COL5A1: variants seen among roughly 807,000 people sequenced by gnomAD.
COL5A1 encodes collagen alpha-1(V) chain.
In COL5A1, 16 loss-of-function variants were observed where a neutral mutation model predicts 263.7. The observed-to-expected ratio is 0.06, with a 90% CI of 0.04 to 0.09. The LOEUF is 0.09. Ranked by LOEUF, COL5A1 falls within the 10% of genes least tolerant of loss-of-function variation. The probability of loss-of-function intolerance (pLI) is 1.00; values close to 1 mark genes in which losing one functional copy is unlikely to be tolerated. For missense variants in COL5A1, 2,036 were observed against 2,540.5 expected, an observed-to-expected ratio of 0.80 and a Z score of 4.27; for synonymous variants, 1,012 against 1,004.5, an observed-to-expected ratio of 1.01 and a Z score of -0.14.
chr9:134,802,372 C>G (rs182837840), intron 38 of COL5A1, among the ~76,000 whole-genome samples: 2 of 152,192 alleles, frequency 1.3e-5, no homozygotes, highest in African/African-American at 4.8e-5. Context: ...CGATTCTAAC[C>G]GCAGACCAGT....
At position 134,700,571 on chromosome 9, in the gene COL5A1, GTCTCCTC is replaced by G. The variant is rs1321689171; in HGVS notation, c.491+451_491+457del. The stretch of plus-strand genomic sequence containing the variant: ...CAGACCTCAACACCAGGGGTTGTCA[GTCTCCTC>G]TTTCGTGGTCAGCACGTGTGAGGTC... On this transcript the variant is annotated intron_variant, in intron 3 of 65. Transcript: ENST00000371817. The surrounding 1 kb of genome is among the most constrained non-coding windows in gnomAD (Gnocchi z 4.0). Among the ~76,000 whole-genome samples the G allele has an allele frequency of 6.6e-6, 1 of 152,184 alleles. No individual in the cohort carries two copies. The highest frequency in any genetic ancestry group is 1.5e-5 in the Non-Finnish European group (1 of 68,044).
In COL5A1 at chr9:134,834,982, G is replaced by A. The variant is rs772597610; in HGVS notation, c.5148G>A (p.Val1716=). 4 of 1,613,258 alleles carry A rather than the reference G, an allele frequency of 2.5e-6. No individual in the cohort carries two copies. In the East Asian group the frequency reaches 6.7e-5, roughly 27 times the overall value. ...EFKRGKLLSY[V]DAEGNPVGVV... ...CCCTGTCCCCCCAGCTCTCCTATGTGGACGCCGAGGGCAACCCTGTGGGTG... is the reference window on the plus strand; with the variant it reads ...CCCTGTCCCCCCAGCTCTCCTATGTAGACGCCGAGGGCAACCCTGTGGGTG... The change falls in exon 65 of 66, where the codon GTG becomes GTA. Residue 1716 remains valine, a synonymous_variant. Coordinates refer to ENST00000371817, the MANE Select transcript of COL5A1 (RefSeq NM_000093.5).
At position 134,768,416 on chromosome 9, in the gene COL5A1, T is replaced by C. The variant is rs1836755234; in HGVS notation, c.2239T>C (p.Leu747=). 1 of 1,613,946 alleles carries C rather than the reference T, an allele frequency of 6.2e-7. No homozygotes were observed. The highest frequency in any genetic ancestry group is 8.5e-7 in the Non-Finnish European group (1 of 1,179,984). Residue 747 remains leucine (L), a synonymous_variant, in exon 25 of 66, where the codon TTG becomes CTG. Transcript: ENST00000371817. The part of the protein sequence containing the change: ...AIGPPGEKGP[L]GKPGLPGMPG... ...AGTCTCTGGTTTGTTCTAGGGTCCC[T>C]TGGGGAAACCAGGCCTTCCAGGAAT...
rs959631690 is a variant in COL5A1 at position 134,842,625 on chromosome 9, G to A, written c.*322G>A. 1 of 491,758 alleles carries A rather than the reference G, an allele frequency of 2.0e-6. No homozygotes were observed. Among genetic ancestry groups the A allele is most frequent in the South Asian group, 2.4e-5 (1 of 41,016 alleles). The allele number at this position is 491,758 out of a possible 1,614,324, so 30.5% of individuals were successfully genotyped here. ...CCCCCCAGCTCGCCCGACCCATCCTGTTCGTGAATAGGTCTCAGGGGTTGG... is the reference window on the plus strand; with the variant it reads ...CCCCCCAGCTCGCCCGACCCATCCTATTCGTGAATAGGTCTCAGGGGTTGG... On this transcript the variant is annotated 3_prime_UTR_variant, in exon 66 of 66. Transcript: ENST00000371817. The surrounding 1 kb of genome is among the most constrained non-coding windows in gnomAD (Gnocchi z 5.8).
intron 4 of COL5A1, among the ~76,000 whole-genome samples, chr9:134,712,620 C>G (rs1480238069): frequency 2.4e-5 from 1 of 41,504 alleles, no homozygotes; most frequent in Non-Finnish European, 5.3e-5. Context: ...CTCCCCTCCC[C>G]CTTCCTTCCT....
Position 134,812,693 on chromosome 9 carries a change from C to T in COL5A1, c.3833C>T (p.Pro1278Leu). ...PQGPPGGIGN[P>L]GAVGEKGEPG... ...GGTCCCCCAGGTGGAATAGGAAACCCTGGTGCAGTGGGAGAGAAGGTGAGG... is the reference window on the plus strand; with the variant it reads ...GGTCCCCCAGGTGGAATAGGAAACCTTGGTGCAGTGGGAGAGAAGGTGAGG... Residue 1278 changes from proline (P) to leucine (L), a missense_variant, in exon 48 of 66, where the codon CCT (proline) becomes CTT (leucine). This residue lies in a region of COL5A1 where 1,078 missense variants were observed against 1,521.4 expected (regional missense o/e 0.71). Coordinates refer to ENST00000371817, the MANE Select transcript of COL5A1 (RefSeq NM_000093.5). 6.3e-7 allele frequency: 1 copy of T among 1,583,380 alleles called. No individual in the cohort carries two copies. Among genetic ancestry groups the T allele is most frequent in the Non-Finnish European group, 8.6e-7 (1 of 1,165,006 alleles).
Position 134,825,820 on chromosome 9 carries a change from A to T in COL5A1, c.4983A>T (p.Gly1661=). ...AATACTGGGTCGATCCTAACCAAGG[A>T]TGCTCCAGGGATTCCTTCAAGGTTT... ...DGEYWVDPNQ[G]CSRDSFKVYC... is the part of the protein sequence containing the mutation. The change falls in exon 63 of 66, where the codon GGA becomes GGT. Residue 1661 remains glycine, a synonymous_variant. Transcript: ENST00000371817. The T allele has an allele frequency of 6.2e-7, 1 of 1,612,900 alleles. No homozygotes were observed. The highest frequency in any genetic ancestry group is 1.1e-5 in the South Asian group (1 of 91,030).
chr9:134,725,122 G>A (rs543283987), intron 4 of COL5A1, among the ~76,000 whole-genome samples: 1 of 152,276 alleles, frequency 6.6e-6, no homozygotes, highest in East Asian at 1.9e-4. Context: ...AGACGCCACC[G>A]TCTCCAGGAC....
At chr9:134,704,943 A>G (rs1833790267) in intron 4 of COL5A1, among the ~76,000 whole-genome samples, 1 of 152,176 alleles carries the variant, frequency 6.6e-6, no homozygotes, top group Non-Finnish European at 1.5e-5. Flanking sequence ...CGGGCTCTGC[A>G]TAACGACACC....
chr9:134,795,284 C>T lies in COL5A1; in HGVS notation c.2768C>T (p.Pro923Leu), dbSNP rs1055299567. The change falls in exon 34 of 66, where the codon CCC becomes CTC. Residue 923 changes from proline (P) to leucine (L), a missense_variant. Physicochemically the swap from Pro to Leu is moderately conservative, Grantham distance 98 (BLOSUM62 -3). This residue lies in a region of COL5A1 where 1,078 missense variants were observed against 1,521.4 expected (regional missense o/e 0.71). Coordinates refer to ENST00000371817, the MANE Select transcript of COL5A1 (RefSeq NM_000093.5). ...CAGGGTCCGAGGGGTGAAAGAGGCC[C>T]CCGGGGCATCACTGGGAAGCCTGGC... Reference protein sequence around the residue: ...GPTGPRGERGPRGITGKPGPK... With the variant: ...GPTGPRGERGLRGITGKPGPK... The T allele has an allele frequency of 6.2e-7, 1 of 1,613,818 alleles. No homozygotes were observed. The highest frequency in any genetic ancestry group is 2.2e-5 in the East Asian group (1 of 44,858).
intron 1 of COL5A1, among the ~76,000 whole-genome samples, chr9:134,672,581 T>C (rs1348444673): frequency 6.6e-6 from 1 of 152,226 alleles, no homozygotes; most frequent in Non-Finnish European, 1.5e-5. Flanking sequence ...AAAATCCACA[T>C]ACTAAATGCT....
chr9:134,831,777 A>G (rs1007279245), intron 64 of COL5A1, among the ~76,000 whole-genome samples: 26 of 152,248 alleles, frequency 1.7e-4, no homozygotes, highest in African/African-American at 5.8e-4. Context: ...TGGCTGTGAA[A>G]CCTCATTTGC....
chr9:134,713,367 G>A (rs1048545650), intron 4 of COL5A1, among the ~76,000 whole-genome samples: 3 of 152,184 alleles, frequency 2.0e-5, no homozygotes, highest in Admixed American at 6.5e-5. Flanking sequence ...CCAGTCTGCA[G>A]CCACAGCAGG....
chr9:134,734,416 C>G (rs1437408311), intron 9 of COL5A1, among the ~76,000 whole-genome samples: 1 of 152,244 alleles, frequency 6.6e-6, no homozygotes, highest in Non-Finnish European at 1.5e-5. Context: ...GCCAGGCCCC[C>G]TGCAGAGATC....
chr9:134,716,870 A>G lies in COL5A1; in HGVS notation c.655-10396A>G, dbSNP rs1834280832. On this transcript the variant is annotated intron_variant, in intron 4 of 65. Transcript: ENST00000371817. The surrounding 1 kb of genome is among the most constrained non-coding windows in gnomAD (Gnocchi z 4.5). ...CGTCTTGGGCTGGTGGCTGCAGGTG[A>G]GAATTGGACTGGGACTGGAGGCAGC... Among the ~76,000 whole-genome samples, 1 of 152,174 alleles carries G rather than the reference A, an allele frequency of 6.6e-6. No homozygotes were observed. Among genetic ancestry groups the G allele is most frequent in the African/African-American group, 2.4e-5 (1 of 41,432 alleles).
At position 134,821,865 on chromosome 9, in the gene COL5A1, G is replaced by C. The variant is rs1442722067; in HGVS notation, c.4555-232G>C. 1.3e-5 allele frequency among the ~76,000 whole-genome samples: 2 copies of C among 152,244 alleles called. No individual in the cohort carries two copies. The highest frequency in any genetic ancestry group is 2.9e-5 in the Non-Finnish European group (2 of 68,042). ...AGAGTGAGTTCCTGGCAGCCCAGCC[G>C]GGGGAGCAGTGCCGAGGGCTGGCAG... On this transcript the variant is annotated intron_variant, in intron 58 of 65. Coordinates refer to ENST00000371817, the MANE Select transcript of COL5A1 (RefSeq NM_000093.5). This position sits in a 1 kb window ranked among gnomAD's most constrained non-coding sequence, Gnocchi z 4.2.
intron 1 of COL5A1, among the ~76,000 whole-genome samples, chr9:134,648,627 GA>G (rs1466477028): frequency 6.6e-6 from 1 of 152,200 alleles, no homozygotes; most frequent in Non-Finnish European, 1.5e-5. Context: ...CACAGAGTAA[GA>G]CCCCATTACT....
At chr9:134,766,322 C>T (rs1416592668) in intron 21 of COL5A1, 132 bp from the exon 22 acceptor site, 4 of 869,092 alleles carry the variant, frequency 4.6e-6, no homozygotes, top group Non-Finnish European at 7.6e-6. Flanking sequence ...CCTTCCCTTC[C>T]CCAGAGAGCA....
rs1564480902 is a variant in COL5A1, at chr9:134,818,663, C to A, written c.4238C>A (p.Ala1413Asp). The A allele has an allele frequency of 1.2e-6, 2 of 1,608,554 alleles. No homozygotes were observed. Among genetic ancestry groups the A allele is most frequent in the Non-Finnish European group, 1.7e-6 (2 of 1,178,328 alleles). ...RQGEKGAKGE[A>D]GLEGPPGKTG... ...CCCTCCGCCGTCCTGCAGGGAGAAG[C>A]CGGCTTGGAAGGCCCTCCTGGGAAG... The change falls in exon 55 of 66, where the codon GCC (alanine) becomes GAC (aspartate). Residue 1413 changes from alanine (A) to aspartate (D), a missense_variant. Physicochemically the swap from Ala to Asp is moderately radical, Grantham distance 126. This residue lies in a region of COL5A1 where 1,078 missense variants were observed against 1,521.4 expected (regional missense o/e 0.71). Transcript: ENST00000371817. The surrounding 1 kb of genome is among the most constrained non-coding windows in gnomAD (Gnocchi z 6.0).
Sources: gnomAD v4.1 joint callset for allele counts (sites outside exome capture counted in the v4.1 genomes callset) on GRCh38, gnomAD v4.1.1 for gene constraint, gnomAD v4.1.1 regional missense constraint, Gnocchi (gnomAD v3.1) non-coding constraint, MANE v1.5 for transcripts, NCBI Gene and HGNC (gene_info 2026-07-23, HGNC 2026-07-21) for gene names.